Variants in SMAD9 observed in about 807,000 individuals in gnomAD.
SMAD9 encodes the protein MAD homolog 9.
SMAD9 carries 36 observed loss-of-function variants against 46.1 expected under a neutral mutation model. The ratio of observed to expected loss-of-function variants is 0.78; its 90% confidence interval spans 0.60 to 1.03. The LOEUF (loss-of-function observed/expected upper bound fraction) is 1.03. Among genes scored for constraint, SMAD9 ranks in the 50% least tolerant of loss-of-function variants. The pLI is 0.00. For synonymous variants in SMAD9, 245 were observed against 237.1 expected, an observed-to-expected ratio of 1.03 and a Z score of -0.31; for missense variants, 572 against 599.8, an observed-to-expected ratio of 0.95 and a Z score of 0.48.
intron 1 of SMAD9, among the ~76,000 whole-genome samples, chr13:36,905,405 T>C (rs1425514414): frequency 6.6e-6 from 1 of 152,176 alleles, no homozygotes; most frequent in African/African-American, 2.4e-5. Context: ...TGCCAGATTT[T>C]CAGTAATACT....
At position 36,848,461 on chromosome 13, in the gene SMAD9, G is replaced by A. The variant is rs1042347142; in HGVS notation, c.*215C>T. On this transcript the variant is annotated 3_prime_UTR_variant, in exon 7 of 7. Coordinates refer to ENST00000379826, the MANE Select transcript of SMAD9 (RefSeq NM_001127217.3). ...CCTCCCACAAAATCTGCTGCTTATAGCACAGGCACCAAAGTCCTGCTTTTC... is the reference window on the plus strand; with the variant it reads ...CCTCCCACAAAATCTGCTGCTTATAACACAGGCACCAAAGTCCTGCTTTTC... 1.0e-5 allele frequency: 6 copies of A among 583,734 alleles called. No homozygotes were observed. Among genetic ancestry groups the A allele is most frequent in the African/African-American group, 1.9e-5 (1 of 53,672 alleles). 36.2% of individuals were successfully genotyped at this position (583,734 alleles called of 1,614,324 possible).
At chr13:36,891,628 C>A (rs1051102899) in intron 1 of SMAD9, among the ~76,000 whole-genome samples, 8 of 152,148 alleles carry the variant, frequency 5.3e-5, no homozygotes, top group African/African-American at 1.9e-4. Flanking sequence ...GCCTGGTAAG[C>A]CCCAGAATCT....
intron 5 of SMAD9, among the ~76,000 whole-genome samples, chr13:36,857,168 A>G (rs1388748655): frequency 6.6e-6 from 1 of 151,726 alleles, no homozygotes; most frequent in Non-Finnish European, 1.5e-5. Context: ...TGCAGCCTAC[A>G]TTCTGACAGT....
intron 2 of SMAD9, 46 bp from the exon 3 acceptor site, chr13:36,872,961 T>A: frequency 6.2e-7 from 1 of 1,607,104 alleles, no homozygotes; most frequent in East Asian, 2.2e-5. Flanking sequence ...ACATTGCTCA[T>A]CAGTACACAA....
At chr13:36,884,627 C>T (rs932480335) in intron 1 of SMAD9, among the ~76,000 whole-genome samples, 1 of 152,126 alleles carries the variant, frequency 6.6e-6, no homozygotes, top group Non-Finnish European at 1.5e-5. Flanking sequence ...ACAATTTACC[C>T]GGCTGGGTAA....
intron 3 of SMAD9, among the ~76,000 whole-genome samples, chr13:36,869,164 T>C (rs2058264479): frequency 6.6e-6 from 1 of 151,696 alleles, no homozygotes; most frequent in Non-Finnish European, 1.5e-5. Context: ...TTTGGGGTGA[T>C]GAAAAAATTT....
intron 6 of SMAD9, chr13:36,852,504 G>A: frequency 1.0e-6 from 1 of 984,726 alleles, no homozygotes; most frequent in Non-Finnish European, 1.2e-6. Flanking sequence ...TGGTTCTCCA[G>A]CCTTCATAGC....
chr13:36,888,054 T>C (rs1453998099), intron 1 of SMAD9, among the ~76,000 whole-genome samples: 2 of 152,216 alleles, frequency 1.3e-5, no homozygotes, highest in South Asian at 4.1e-4. Flanking sequence ...GGTCCCACTC[T>C]GAGGAGTTTC....
chr13:36,865,518 A>G lies in SMAD9; in HGVS notation c.1003+19T>C. The G allele has an allele frequency of 1.3e-6, 2 of 1,595,000 alleles. No homozygotes were observed. Among genetic ancestry groups the G allele is most frequent in the Middle Eastern group, 1.8e-4 (1 of 5,476 alleles). ...ACATTTCGGCTAGATGACTAAAGGAATAACATCTTTGCTCTTACCCTTTCC... is the reference window on the plus strand; with the variant it reads ...ACATTTCGGCTAGATGACTAAAGGAGTAACATCTTTGCTCTTACCCTTTCC... On this transcript the variant is annotated intron_variant, in intron 5 of 6. Transcript: ENST00000379826.
intron 5 of SMAD9, 152 bp from the exon 6 acceptor site, chr13:36,853,827 T>G: frequency 6.1e-6 from 5 of 820,528 alleles, no homozygotes; most frequent in Non-Finnish European, 1.0e-5. Context: ...TGCCGCTTAG[T>G]TTAATGATAA....
chr13:36,851,931 T>C (rs2138272651), intron 6 of SMAD9: 1 of 974,446 alleles, frequency 1.0e-6, no homozygotes, highest in East Asian at 1.1e-4. Context: ...ACCTATGAGA[T>C]ATTGGCATTT....
At position 36,894,159 on chromosome 13, in the gene SMAD9, G is replaced by C. The variant is rs902183162; in HGVS notation, c.-186-14284C>G. On this transcript the variant is annotated intron_variant, in intron 1 of 6. Transcript: ENST00000379826. ...ATTTATTGGGCAACCACTATGGTTT[G>C]ATACGGTTTGGCTGCATCCCCACCC... 5.3e-5 allele frequency among the ~76,000 whole-genome samples: 8 copies of C among 152,164 alleles called. No homozygotes were observed. The South Asian group carries it at 1.7e-3, about 32-fold the overall frequency.
chr13:36,874,780 C>A (rs1278783825), intron 2 of SMAD9, among the ~76,000 whole-genome samples: 1 of 146,160 alleles, frequency 6.8e-6, no homozygotes, highest in Non-Finnish European at 1.5e-5. Context: ...ATGGCGTGAA[C>A]CCAGGAGGCG....
chr13:36,847,271 T>A lies in SMAD9; in HGVS notation c.*1405A>T, dbSNP rs2058043516. The stretch of plus-strand genomic sequence containing the variant: ...TAAATGAAGAAACTTCTTGGATTAC[T>A]GAAGTGCTGTCTGTTACAAGCATAA... On this transcript the variant is annotated 3_prime_UTR_variant, in exon 7 of 7. Coordinates refer to ENST00000379826, the MANE Select transcript of SMAD9 (RefSeq NM_001127217.3). 6.6e-6 allele frequency: 1 copy of A among 152,240 alleles called. No individual in the cohort carries two copies. The highest frequency in any genetic ancestry group is 6.5e-5 in the Admixed American group (1 of 15,292). 9.4% of individuals were successfully genotyped at this position (152,240 alleles called of 1,614,324 possible). A position where few individuals can be genotyped will look rare whatever the true frequency, so the allele number is the denominator to read the frequency against.
intron 1 of SMAD9, among the ~76,000 whole-genome samples, chr13:36,917,247 G>T (rs983155210): frequency 6.6e-6 from 1 of 152,004 alleles, no homozygotes; most frequent in African/African-American, 2.4e-5. Flanking sequence ...AAATTTACCG[G>T]AATATTTATT....
chr13:36,915,940 T>C (rs2058695498), intron 1 of SMAD9, among the ~76,000 whole-genome samples: 1 of 152,034 alleles, frequency 6.6e-6, no homozygotes, highest in African/African-American at 2.4e-5. Context: ...GCAAATTCTA[T>C]TTTTTCACAT....
chr13:36,845,722 T>C lies in SMAD9; in HGVS notation c.*2954A>G, dbSNP rs1166183598. 6.6e-6 allele frequency: 1 copy of C among 152,148 alleles called. No individual in the cohort carries two copies. The highest frequency in any genetic ancestry group is 2.4e-5 in the African/African-American group (1 of 41,430). The allele number at this position is 152,148 out of a possible 1,614,324, so 9.4% of individuals were successfully genotyped here. On this transcript the variant is annotated 3_prime_UTR_variant, in exon 7 of 7. Transcript: ENST00000379826. ...TACTGCATTTATTTTTTGAAACTCT[T>C]GGTAGCAAAAGAAAAAGCTGATTAA...
At chr13:36,910,637 C>T (rs2058653921) in intron 1 of SMAD9, among the ~76,000 whole-genome samples, 1 of 152,196 alleles carries the variant, frequency 6.6e-6, no homozygotes, top group South Asian at 2.1e-4. Flanking sequence ...CACTCCTTCC[C>T]TCCCTGCCCA....
chr13:36,852,345 T>TA, intron 6 of SMAD9: 1 of 985,344 alleles, frequency 1.0e-6, no homozygotes. Flanking sequence ...CTGTCACACA[T>TA]ACCCCGATAC....
Sources: gnomAD v4.1 joint callset for allele counts (sites outside exome capture counted in the v4.1 genomes callset) on GRCh38, gnomAD v4.1.1 for gene constraint, MANE v1.5 for transcripts, NCBI Gene and HGNC (gene_info 2026-07-23, HGNC 2026-07-21) for gene names.